GTF2E2: variants seen among roughly 807,000 people sequenced by gnomAD.
The protein encoded by GTF2E2 is transcription initiation factor IIE subunit beta.
Under a neutral mutation model 40.5 loss-of-function variants are expected in GTF2E2, and 21 were observed. The ratio of observed to expected loss-of-function variants is 0.52; its 90% CI spans 0.37 to 0.75. The LOEUF is 0.75. Among genes scored for constraint, GTF2E2 ranks in the 30% least tolerant of loss-of-function variants. The pLI is 0.00. For missense variants in GTF2E2, 298 were observed against 338.4 expected (o/e 0.88, Z 0.94); for synonymous variants, 117 against 121.6 (o/e 0.96, Z 0.25).
chr8:30,604,407 C>A (rs1362354508), intron 6 of GTF2E2, among the ~76,000 whole-genome samples: 1 of 152,170 alleles, frequency 6.6e-6, no homozygotes, highest in East Asian at 1.9e-4. Context: ...TCTGCATTAT[C>A]TTCCTGATTT....
Position 30,658,110 on chromosome 8 carries a change from T to G in GTF2E2, c.-142A>C, listed in dbSNP as rs1292318536. 5.6e-6 allele frequency: 1 copy of G among 177,258 alleles called. No individual in the cohort carries two copies. The highest frequency in any genetic ancestry group is 1.2e-5 in the Non-Finnish European group (1 of 85,486). The allele number at this position is 177,258 out of a possible 1,614,324, so 11.0% of individuals were successfully genotyped here. A position where few individuals can be genotyped will look rare whatever the true frequency, so the allele number is the denominator to read the frequency against. ...GCCTGCCCGCACGCACGCCCAGCGC[T>G]GACCCGCCAGGTCGGGGTCTCACCA... On this transcript the variant is annotated 5_prime_UTR_variant, in exon 1 of 8. Transcript: ENST00000355904.
At chr8:30,600,368 TAATA>T (rs1829142513) in intron 6 of GTF2E2, among the ~76,000 whole-genome samples, 1 of 152,362 alleles carries the variant, frequency 6.6e-6, no homozygotes, top group South Asian at 2.1e-4. Context: ...CCGATACTAA[TAATA>T]GTTAACATTA....
At chr8:30,655,969 C>A (rs1166643415) in intron 1 of GTF2E2, among the ~76,000 whole-genome samples, 1 of 152,144 alleles carries the variant, frequency 6.6e-6, no homozygotes. Context: ...CAGCACCACG[C>A]CCCGCCAATG....
intron 7 of GTF2E2, among the ~76,000 whole-genome samples, chr8:30,579,715 AT>A (rs1240517457): frequency 6.6e-6 from 1 of 152,160 alleles, no homozygotes; most frequent in African/African-American, 2.4e-5. Context: ...GTGCTGGTGA[AT>A]CATCCCCCCG....
In GTF2E2 at chr8:30,658,143, T is replaced by TGGCGGCGGC. The variant is rs576140574; in HGVS notation, c.-184_-176dup. 0.011 allele frequency: 2,057 copies of TGGCGGCGGC among 185,716 alleles called. 33 individuals carry two copies. The highest frequency in any genetic ancestry group is 0.027 in the African/African-American group (1,113 of 41,080). 11.5% of individuals were successfully genotyped at this position (185,716 alleles called of 1,614,324 possible). A position where few individuals can be genotyped will look rare whatever the true frequency, so the allele number is the denominator to read the frequency against. ...CAGGTCGGGGTCTCACCACTGGCGG[T>TGGCGGCGGC]GGCGGCGGCGGCGGCGGCAGCGGCG... On this transcript the variant is annotated 5_prime_UTR_variant, in exon 1 of 8. Transcript: ENST00000355904.
At chr8:30,607,017 A>G in intron 6 of GTF2E2, 40 bp downstream of exon 6, 1 of 727,058 alleles carries the variant, frequency 1.4e-6, no homozygotes, top group Admixed American at 2.6e-5. Flanking sequence ...CTAAAATTGT[A>G]ATATACTTGC....
chr8:30,644,530 A>G (rs1412192764), intron 2 of GTF2E2: 1 of 152,208 alleles, frequency 6.6e-6, no homozygotes, highest in African/African-American at 2.4e-5. Flanking sequence ...ATCGAAGTTT[A>G]AAGAAGGGGA....
intron 2 of GTF2E2, among the ~76,000 whole-genome samples, chr8:30,640,044 C>T (rs183776268): frequency 3.2e-4 from 49 of 152,306 alleles, no homozygotes; most frequent in African/African-American, 1.1e-3. Flanking sequence ...GAAACCCCTA[C>T]CACCCACATT....
intron 2 of GTF2E2, 79 bp from the exon 3 acceptor site, chr8:30,635,202 G>C (rs1801556865): frequency 1.3e-6 from 1 of 758,188 alleles, no homozygotes; most frequent in African/African-American, 1.8e-5. Flanking sequence ...TTTTAATGCT[G>C]GTAACATATT....
intron 3 of GTF2E2, among the ~76,000 whole-genome samples, chr8:30,616,028 T>C (rs1348945202): frequency 6.6e-6 from 1 of 151,766 alleles, no homozygotes; most frequent in Admixed American, 6.6e-5. Context: ...GAAAAAAACA[T>C]GGAGAAACCT....
intron 2 of GTF2E2, among the ~76,000 whole-genome samples, chr8:30,636,334 C>G (rs540959247): frequency 1.3e-5 from 2 of 152,256 alleles, no homozygotes; most frequent in African/African-American, 4.8e-5. Flanking sequence ...GAGAGGAGAA[C>G]CAATCTCTGG....
chr8:30,651,477 G>A (rs547137367), intron 2 of GTF2E2, among the ~76,000 whole-genome samples: 9 of 152,194 alleles, frequency 5.9e-5, no homozygotes, highest in South Asian at 2.1e-4. Context: ...AATAACCGCT[G>A]GGTGTAATGA....
intron 6 of GTF2E2, among the ~76,000 whole-genome samples, chr8:30,585,772 TAAA>T (rs146018850): frequency 0.15 from 10,387 of 67,370 alleles, 861 homozygotes; most frequent in African/African-American, 0.21. Flanking sequence ...CTTTGCCCTT[TAAA>T]AAAAAAAAAA....
chr8:30,612,319 T>G lies in GTF2E2; in HGVS notation c.529A>C (p.Asn177His), dbSNP rs1421012068. The part of the protein sequence containing the change: ...LLEDIEEALP[N>H]SQKAVKALGD... ...ATTACCTTGACAGCTTTCTGGGAAT[T>G]GGGCAGTGCTTCTTCTATGTCTTCT... Residue 177 changes from asparagine to histidine, a missense_variant, in exon 5 of 8, where the codon AAT (asparagine) becomes CAT (histidine). Transcript: ENST00000355904. The G allele has an allele frequency of 2.5e-6, 4 of 1,608,568 alleles. No individual in the cohort carries two copies. Among genetic ancestry groups the G allele is most frequent in the South Asian group, 2.2e-5 (2 of 90,734 alleles).
At chr8:30,627,478 A>C (rs1801319967) in intron 3 of GTF2E2, among the ~76,000 whole-genome samples, 1 of 144,398 alleles carries the variant, frequency 6.9e-6, no homozygotes, top group East Asian at 2.0e-4. Context: ...AAAACTCAGG[A>C]CATCGCTTTT....
chr8:30,579,610 T>C (rs966079403), intron 7 of GTF2E2, among the ~76,000 whole-genome samples: 2 of 151,994 alleles, frequency 1.3e-5, no homozygotes, highest in African/African-American at 4.8e-5. Context: ...CAAACACACA[T>C]GCCCACCCCA....
intron 3 of GTF2E2, among the ~76,000 whole-genome samples, chr8:30,628,964 T>C (rs1448384321): frequency 6.6e-6 from 1 of 152,116 alleles, no homozygotes; most frequent in Non-Finnish European, 1.5e-5. Context: ...CCAGCAACTT[T>C]TTCTATATCC....
chr8:30,634,089 C>A lies in GTF2E2; in HGVS notation c.258+943G>T, dbSNP rs538839899. ...ATAAGAGTTTGGCAAAAGAAGGGAG[C>A]AAATTTGAAATTACTTAGCCATCTT... On this transcript the variant is annotated intron_variant, in intron 3 of 7. Coordinates refer to ENST00000355904, the MANE Select transcript of GTF2E2 (RefSeq NM_002095.6). Among the ~76,000 whole-genome samples, 3 of 152,268 alleles carry A rather than the reference C, an allele frequency of 2.0e-5. No homozygotes were observed. The South Asian group carries it at 6.2e-4, about 32-fold the overall frequency.
chr8:30,588,258 G>A (rs1828740883), intron 6 of GTF2E2, among the ~76,000 whole-genome samples: 1 of 152,140 alleles, frequency 6.6e-6, no homozygotes. Context: ...ATGTTGAGGA[G>A]ATGCTTGCAC....
Sources: allele counts gnomAD v4.1 joint callset (sites outside exome capture counted in the v4.1 genomes callset), GRCh38; gene constraint gnomAD v4.1.1; transcripts MANE v1.5; gene names NCBI Gene and HGNC (gene_info 2026-07-23, HGNC 2026-07-21).